The following MLF2 variants were observed in gnomAD, a reference collection of about 807,000 sequenced individuals.
MLF2 encodes the protein myelodysplasia-myeloid leukemia factor 2.
MLF2 carries 12 observed loss-of-function variants against 31.4 expected under a neutral mutation model. That is an observed-to-expected ratio of 0.38 (90% confidence interval 0.24 to 0.62). The LOEUF (loss-of-function observed/expected upper bound fraction) is 0.62, where lower values mean the gene tolerates loss of function less well. Among genes scored for constraint, MLF2 ranks in the 20% least tolerant of loss-of-function variants. MLF2 has a pLI of 0.58. For missense variants in MLF2, 272 were observed against 359.7 expected, an observed-to-expected ratio of 0.76 and a Z score of 1.97; for synonymous variants, 109 against 118.8, an observed-to-expected ratio of 0.92 and a Z score of 0.54.
chr12:6,750,185 G>A lies in MLF2; in HGVS notation c.391C>T (p.Pro131Ser). ...YQETSEMRSA[P>S]GGIRETRRTV... Reference sequence around the variant, plus strand: ...AGGGCTCCCCAACTCACCCCGCCTGGTGCCGAGCGCATCTCTGATGTCTCT... The same window carrying A: ...AGGGCTCCCCAACTCACCCCGCCTGATGCCGAGCGCATCTCTGATGTCTCT... The change falls in exon 6 of 9, where the codon CCA (proline) becomes TCA (serine). Residue 131 changes from proline (P) to serine (S), a missense_variant. Pro to Ser is a moderately conservative substitution (Grantham distance 74). Transcript: ENST00000203630. The surrounding 1 kb of genome is among the most constrained non-coding windows in gnomAD (Gnocchi z 5.3). 6.2e-7 allele frequency: 1 copy of A among 1,614,184 alleles called. No homozygotes were observed. Among genetic ancestry groups the A allele is most frequent in the Non-Finnish European group, 8.5e-7 (1 of 1,180,034 alleles).
chr12:6,753,097 C>A lies in MLF2; in HGVS notation c.-187G>T. Reference sequence around the variant, plus strand: ...CACAGCTGCCACCTCCGTACGGCCCCCTCGGCCAACGGAGCCCGAACCTCG... The same window carrying A: ...CACAGCTGCCACCTCCGTACGGCCCACTCGGCCAACGGAGCCCGAACCTCG... On this transcript the variant is annotated 5_prime_UTR_variant, in exon 1 of 9. Coordinates refer to ENST00000203630, the MANE Select transcript of MLF2 (RefSeq NM_001382226.1). The A allele has an allele frequency of 2.5e-6, 1 of 392,566 alleles. No individual in the cohort carries two copies. The highest frequency in any genetic ancestry group is 4.5e-6 in the Non-Finnish European group (1 of 222,714). The allele number at this position is 392,566 out of a possible 1,614,324, so 24.3% of individuals were successfully genotyped here.
intron 4 of MLF2, chr12:6,751,090 C>G: frequency 3.0e-6 from 1 of 338,918 alleles, no homozygotes; most frequent in South Asian, 3.2e-5. Flanking sequence ...ATTGTTAAAA[C>G]CTACCAAAAA....
At position 6,752,772 on chromosome 12, in the gene MLF2, G is replaced by GC; in HGVS notation, c.-29+166dup. 1 of 165,596 alleles carries GC rather than the reference G, an allele frequency of 6.0e-6. No homozygotes were observed. Among genetic ancestry groups the GC allele is most frequent in the Non-Finnish European group, 1.3e-5 (1 of 77,566 alleles). 10.3% of individuals were successfully genotyped at this position (165,596 alleles called of 1,614,324 possible). ...GCCTCCCCCAGGCGGGCCTCACTAA[G>GC]CCCCCCGCGCCTGTCTGCGACTCCT... On this transcript the variant is annotated intron_variant, in intron 1 of 8. Transcript: ENST00000203630. This position sits in a 1 kb window ranked among gnomAD's most constrained non-coding sequence, Gnocchi z 4.6.
In MLF2 at chr12:6,749,851, C is replaced by T; in HGVS notation, c.556G>A (p.Glu186Lys). The change falls in exon 7 of 9, where the codon GAG (glutamate) becomes AAG (lysine). Residue 186 changes from glutamate (E) to lysine (K), a missense_variant. Coordinates refer to ENST00000203630, the MANE Select transcript of MLF2 (RefSeq NM_001382226.1). This position sits in a 1 kb window ranked among gnomAD's most constrained non-coding sequence, Gnocchi z 5.3. ...EERQDYINLD[E>K]SEAAAFDDEW... is the part of the protein sequence containing the mutation. ...GGAAGCGGGAGGGAAGGCTCACTCTCATCCAGGTTGATATAGTCCTGCCGC... is the reference window on the plus strand; with the variant it reads ...GGAAGCGGGAGGGAAGGCTCACTCTTATCCAGGTTGATATAGTCCTGCCGC... The T allele has an allele frequency of 6.2e-7, 1 of 1,614,160 alleles. No homozygotes were observed. The highest frequency in any genetic ancestry group is 8.5e-7 in the Non-Finnish European group (1 of 1,180,028).
In MLF2 at chr12:6,749,861, G is replaced by A; in HGVS notation, c.546C>T (p.Ile182=). 3 of 1,614,210 alleles carry A rather than the reference G, an allele frequency of 1.9e-6. No individual in the cohort carries two copies. The highest frequency in any genetic ancestry group is 2.5e-6 in the Non-Finnish European group (3 of 1,180,034). Residue 182 remains isoleucine, a synonymous_variant, in exon 7 of 9, where the codon ATC becomes ATT. Transcript: ENST00000203630. The surrounding 1 kb of genome is among the most constrained non-coding windows in gnomAD (Gnocchi z 5.3). ...GGGAAGGCTCACTCTCATCCAGGTT[G>A]ATATAGTCCTGCCGCTCCTCCTGGT... ...TGDQEERQDY[I]NLDESEAAAF...
At chr12:6,751,234 T>C (rs78546040) in intron 4 of MLF2, 211 of 237,396 alleles carry the variant, frequency 8.9e-4, no homozygotes, top group African/African-American at 4.5e-3. Context: ...TTTTTTTTTT[T>C]TGAGATGGAG....
rs2137781406 is a variant in MLF2, at chr12:6,750,616, T to TCA, written c.270+95_270+96dup. 2.2e-6 allele frequency: 3 copies of TCA among 1,365,654 alleles called. No individual in the cohort carries two copies. Among genetic ancestry groups the TCA allele is most frequent in the Non-Finnish European group, 3.1e-6 (3 of 963,146 alleles). 84.6% of individuals were successfully genotyped at this position (1,365,654 alleles called of 1,614,324 possible). On this transcript the variant is annotated intron_variant, in intron 5 of 8. Transcript: ENST00000203630. This position sits in a 1 kb window ranked among gnomAD's most constrained non-coding sequence, Gnocchi z 5.3. ...ATTACTTTATCCAGTACTTTACCCTTCACTAGCATACTGTTTCCCTCTTGC... is the reference window on the plus strand; with the variant it reads ...ATTACTTTATCCAGTACTTTACCCTTCACACTAGCATACTGTTTCCCTCTTGC...
Position 6,749,853 on chromosome 12 carries a change from T to C in MLF2, c.554A>G (p.Asp185Gly). The C allele has an allele frequency of 6.2e-7, 1 of 1,614,050 alleles. No homozygotes were observed. Among genetic ancestry groups the C allele is most frequent in the Non-Finnish European group, 8.5e-7 (1 of 1,179,978 alleles). Residue 185 changes from aspartate to glycine, a missense_variant, in exon 7 of 9, where the codon GAT becomes GGT. By Grantham distance (94) the Asp-to-Gly change is moderately conservative. Transcript: ENST00000203630. This position sits in a 1 kb window ranked among gnomAD's most constrained non-coding sequence, Gnocchi z 5.3. ...AAGCGGGAGGGAAGGCTCACTCTCA[T>C]CCAGGTTGATATAGTCCTGCCGCTC... The part of the protein sequence containing the change: ...QEERQDYINL[D>G]ESEAAAFDDE...
At position 6,748,844 on chromosome 12, in the gene MLF2, T is replaced by G; in HGVS notation, c.698A>C (p.Gln233Pro). 6.3e-7 allele frequency: 1 copy of G among 1,576,502 alleles called. No individual in the cohort carries two copies. The highest frequency in any genetic ancestry group is 1.2e-5 in the South Asian group (1 of 85,904). The change falls in exon 8 of 9, where the codon CAG becomes CCG. Residue 233 changes from glutamine (Q) to proline (P), a missense_variant. Gln to Pro is a moderately conservative substitution (Grantham distance 76). Transcript: ENST00000203630. This position sits in a 1 kb window ranked among gnomAD's most constrained non-coding sequence, Gnocchi z 4.6. ...TCGGGAAGGGGAGTCCTCAGGTCCC[T>G]GGATGGCCAGGCGGGGAGGCCCCTC... ...RAEGPPRLAI[Q>P]GPEDSPSRQS...
chr12:6,748,728 C>T lies in MLF2; in HGVS notation c.*25+42G>A, dbSNP rs574593392. ...CTGAGCCTGCCTTGCAGCCGAGGACCGTCCGCAGGTGCACCCCACCCTCCT... is the reference window on the plus strand; with the variant it reads ...CTGAGCCTGCCTTGCAGCCGAGGACTGTCCGCAGGTGCACCCCACCCTCCT... On this transcript the variant is annotated intron_variant, in intron 8 of 8. Coordinates refer to ENST00000203630, the MANE Select transcript of MLF2 (RefSeq NM_001382226.1). The surrounding 1 kb of genome is among the most constrained non-coding windows in gnomAD (Gnocchi z 4.6). 39 of 1,412,948 alleles carry T rather than the reference C, an allele frequency of 2.8e-5. No individual in the cohort carries two copies. The East Asian group carries it at 9.3e-4, about 34-fold the overall frequency. 87.5% of individuals were successfully genotyped at this position (1,412,948 alleles called of 1,614,324 possible). A position where few individuals can be genotyped will look rare whatever the true frequency, so the allele number is the denominator to read the frequency against.
Position 6,748,506 on chromosome 12 carries a change from A to G in MLF2, c.*67T>C, listed in dbSNP as rs1482202005. On this transcript the variant is annotated 3_prime_UTR_variant, in exon 9 of 9. Transcript: ENST00000203630. The surrounding 1 kb of genome is among the most constrained non-coding windows in gnomAD (Gnocchi z 4.6). ...AATTGGGGATGGGAATCGAGAGGAA[A>G]AAGTTATTCAGGGGATGATTTCTCA... The G allele has an allele frequency of 3.1e-6, 1 of 319,732 alleles. No individual in the cohort carries two copies. Among genetic ancestry groups the G allele is most frequent in the African/African-American group, 2.1e-5 (1 of 46,752 alleles). The allele number at this position is 319,732 out of a possible 1,614,324, so 19.8% of individuals were successfully genotyped here.
Position 6,749,401 on chromosome 12 carries a change from T to A in MLF2, c.560-419A>T, listed in dbSNP as rs1420612156. 6.6e-6 allele frequency among the ~76,000 whole-genome samples: 1 copy of A among 152,158 alleles called. No individual in the cohort carries two copies. The highest frequency in any genetic ancestry group is 1.5e-5 in the Non-Finnish European group (1 of 68,026). The stretch of plus-strand genomic sequence containing the variant: ...CTGACTCCGCCCGAGCGGAGGAGGC[T>A]CCAAGTGCGGTAAGAATATGGGACT... On this transcript the variant is annotated intron_variant, in intron 7 of 8. Transcript: ENST00000203630. This position sits in a 1 kb window ranked among gnomAD's most constrained non-coding sequence, Gnocchi z 5.3.
rs979518019 is a variant in MLF2 at position 6,749,165 on chromosome 12, C to T, written c.560-183G>A. 2.6e-5 allele frequency among the ~76,000 whole-genome samples: 4 copies of T among 152,166 alleles called. No homozygotes were observed. The highest frequency in any genetic ancestry group is 5.9e-5 in the Non-Finnish European group (4 of 68,020). On this transcript the variant is annotated intron_variant, in intron 7 of 8. Transcript: ENST00000203630. The surrounding 1 kb of genome is among the most constrained non-coding windows in gnomAD (Gnocchi z 5.3). Reference sequence around the variant, plus strand: ...ACGGTCCCAGGAAGCCACCGGTAGGCGTAAGGTGGCCTACTGGAGGAAGAA... The same window carrying T: ...ACGGTCCCAGGAAGCCACCGGTAGGTGTAAGGTGGCCTACTGGAGGAAGAA...
At position 6,750,536 on chromosome 12, in the gene MLF2, G is replaced by T. The variant is rs1009596831; in HGVS notation, c.270+177C>A. ...TATGCTACGTAAGAGAGCTGCTGCC[G>T]GCTGCTTCAGGCAGGCATGACAGCA... is the stretch of plus-strand genomic sequence containing the variant. On this transcript the variant is annotated intron_variant, in intron 5 of 8. Coordinates refer to ENST00000203630, the MANE Select transcript of MLF2 (RefSeq NM_001382226.1). This position sits in a 1 kb window ranked among gnomAD's most constrained non-coding sequence, Gnocchi z 5.3. 2.3e-6 allele frequency: 2 copies of T among 882,912 alleles called. No individual in the cohort carries two copies. The highest frequency in any genetic ancestry group is 1.7e-6 in the Non-Finnish European group (1 of 573,380). 54.7% of individuals were successfully genotyped at this position (882,912 alleles called of 1,614,324 possible).
chr12:6,752,585 G>T lies in MLF2; in HGVS notation c.-28-223C>A. 1 of 466,674 alleles carries T rather than the reference G, an allele frequency of 2.1e-6. No homozygotes were observed. The allele number at this position is 466,674 out of a possible 1,614,324, so 28.9% of individuals were successfully genotyped here. A position where few individuals can be genotyped will look rare whatever the true frequency, so the allele number is the denominator to read the frequency against. ...ATGGAAAATTTTTCCAACCCTCTCG[G>T]TTTTTCCCTCCCCCACTCAGAGCCA... is the stretch of plus-strand genomic sequence containing the variant. On this transcript the variant is annotated intron_variant, in intron 1 of 8. Transcript: ENST00000203630. The surrounding 1 kb of genome is among the most constrained non-coding windows in gnomAD (Gnocchi z 4.6).
Position 6,750,554 on chromosome 12 carries a change from T to C in MLF2, c.270+159A>G, listed in dbSNP as rs1478008509. 3 of 951,814 alleles carry C rather than the reference T, an allele frequency of 3.2e-6. 1 individual carries two copies. Among genetic ancestry groups the C allele is most frequent in the Non-Finnish European group, 4.8e-6 (3 of 627,746 alleles). 59.0% of individuals were successfully genotyped at this position (951,814 alleles called of 1,614,324 possible). ...TGCTGCCGGCTGCTTCAGGCAGGCA[T>C]GACAGCAGGTACAGGGTCCCAAGGC... On this transcript the variant is annotated intron_variant, in intron 5 of 8. Transcript: ENST00000203630. The surrounding 1 kb of genome is among the most constrained non-coding windows in gnomAD (Gnocchi z 5.3).
chr12:6,750,835 AACCC>A lies in MLF2; in HGVS notation c.217-73_217-70del. 7.7e-7 allele frequency: 1 copy of A among 1,298,868 alleles called. No homozygotes were observed. The highest frequency in any genetic ancestry group is 2.3e-5 in the East Asian group (1 of 43,344). 80.5% of individuals were successfully genotyped at this position (1,298,868 alleles called of 1,614,324 possible). ...GTGTTCAGAGTTGATCCTGTTTAGG[AACCC>A]ACAACCCACATGGCTGCACATTTCC... On this transcript the variant is annotated intron_variant, in intron 4 of 8. Transcript: ENST00000203630. This position sits in a 1 kb window ranked among gnomAD's most constrained non-coding sequence, Gnocchi z 5.3.
chr12:6,751,130 T>C (rs1192482583), intron 4 of MLF2: 1 of 291,592 alleles, frequency 3.4e-6, no homozygotes, highest in Admixed American at 4.8e-5. Context: ...TTAACTGCAC[T>C]TCCCTCCTCA....
Position 6,749,775 on chromosome 12 carries a change from T to C in MLF2, c.559+73A>G. ...CTGACCCAGAGCTTTGCCCCAGAAG[T>C]GTCTATGTGTTAGGGATGTCCACGG... On this transcript the variant is annotated intron_variant, in intron 7 of 8. Transcript: ENST00000203630. This position sits in a 1 kb window ranked among gnomAD's most constrained non-coding sequence, Gnocchi z 5.3. 1 of 1,548,756 alleles carries C rather than the reference T, an allele frequency of 6.5e-7. No individual in the cohort carries two copies. Among genetic ancestry groups the C allele is most frequent in the Non-Finnish European group, 8.8e-7 (1 of 1,132,676 alleles).
Sources: allele counts gnomAD v4.1 joint callset (sites outside exome capture counted in the v4.1 genomes callset), GRCh38; gene constraint gnomAD v4.1.1; non-coding constraint Gnocchi (gnomAD v3.1); transcripts MANE v1.5; gene names NCBI Gene and HGNC (gene_info 2026-07-23, HGNC 2026-07-21).